The following MAOB variants were observed in gnomAD, a reference collection of about 807,000 sequenced individuals.
The protein encoded by MAOB is amine oxidase [flavin-containing] B.
Under a neutral mutation model 41.9 loss-of-function variants are expected in MAOB, and 15 were observed. The ratio of observed to expected loss-of-function variants is 0.36; its 90% confidence interval spans 0.24 to 0.55. The LOEUF (loss-of-function observed/expected upper bound fraction) is 0.55, where lower values mean the gene tolerates loss of function less well. Ranked by LOEUF, MAOB falls within the 20% of genes least tolerant of loss-of-function variation. The pLI, the probability that MAOB is intolerant of heterozygous loss-of-function variation, is 0.86. For missense variants in MAOB, 345 were observed against 398.7 expected (o/e 0.87, Z 1.15); for synonymous variants, 167 against 144.2 (o/e 1.16, Z -1.13).
intron 3 of MAOB, among the ~76,000 whole-genome samples, chrX:43,824,015 G>A (rs778207617): frequency 3.3e-4 from 37 of 112,446 alleles, no homozygotes; most frequent in Non-Finnish European, 5.3e-4. Flanking sequence ...AGCAATGACC[G>A]TCATAATGAC....
intron 3 of MAOB, among the ~76,000 whole-genome samples, chrX:43,816,782 C>T (rs1033203412): frequency 8.9e-6 from 1 of 111,830 alleles, no homozygotes; most frequent in African/African-American, 3.3e-5. Flanking sequence ...AATCAAGTTC[C>T]TTTTTGGATT....
chrX:43,865,976 T>C (rs2035362735), intron 1 of MAOB, among the ~76,000 whole-genome samples: 1 of 110,162 alleles, frequency 9.1e-6, no homozygotes, highest in Admixed American at 9.7e-5. Context: ...AGGCCAGAGG[T>C]TGCAGATTAT....
At chrX:43,783,620 C>A (rs2034363921) in intron 8 of MAOB, among the ~76,000 whole-genome samples, 1 of 112,094 alleles carries the variant, frequency 8.9e-6, no homozygotes, top group Non-Finnish European at 1.9e-5. Flanking sequence ...AAAAAGCTAA[C>A]AATCATCTGA....
chrX:43,777,526 G>A (rs986142702), intron 11 of MAOB, among the ~76,000 whole-genome samples: 1 of 111,823 alleles, frequency 8.9e-6, no homozygotes, highest in Non-Finnish European at 1.9e-5. Flanking sequence ...CAATGGTGGG[G>A]CGAGGAGGGA....
chrX:43,873,859 T>C (rs1034191658), intron 1 of MAOB, among the ~76,000 whole-genome samples: 2 of 111,192 alleles, frequency 1.8e-5, no homozygotes, highest in Non-Finnish European at 3.8e-5. Flanking sequence ...GTATTTTTAG[T>C]AGAGACAGGG....
chrX:43,876,028 G>A (rs1435363365), intron 1 of MAOB, among the ~76,000 whole-genome samples: 2 of 111,174 alleles, frequency 1.8e-5, no homozygotes, highest in South Asian at 3.9e-4. Flanking sequence ...GCACAATCTC[G>A]GCTCACTGTA....
At chrX:43,806,541 G>A (rs1195270679) in intron 3 of MAOB, among the ~76,000 whole-genome samples, 1 of 110,887 alleles carries the variant, frequency 9.0e-6, no homozygotes, top group Non-Finnish European at 1.9e-5. Context: ...TGTTAACCTT[G>A]ATTCCTTGCT....
intron 3 of MAOB, among the ~76,000 whole-genome samples, chrX:43,831,138 A>C (rs765561455): frequency 3.6e-5 from 4 of 110,189 alleles, no homozygotes; most frequent in Non-Finnish European, 7.6e-5. Context: ...GTCTGAACTC[A>C]AAGGATCTAA....
chrX:43,786,302 C>T, intron 8 of MAOB, among the ~76,000 whole-genome samples: 1 of 111,764 alleles, frequency 8.9e-6, no homozygotes, highest in South Asian at 3.8e-4. Context: ...GTATAGAAAA[C>T]CCAACAAGAA....
chrX:43,817,346 C>T (rs1238051247), intron 3 of MAOB, among the ~76,000 whole-genome samples: 1 of 110,691 alleles, frequency 9.0e-6, no homozygotes, highest in Non-Finnish European at 1.9e-5. Context: ...TCTCCTATCC[C>T]ATACATAATC....
intron 3 of MAOB, among the ~76,000 whole-genome samples, chrX:43,809,766 A>G: frequency 8.9e-6 from 1 of 112,196 alleles, no homozygotes; most frequent in Non-Finnish European, 1.9e-5. Flanking sequence ...ACATTAGAAT[A>G]AGTCCTTGTC....
chrX:43,783,922 T>C (rs139599135), intron 8 of MAOB, among the ~76,000 whole-genome samples: 310 of 112,452 alleles, frequency 2.8e-3, no homozygotes, highest in Middle Eastern at 4.6e-3. Context: ...TGTAATATTC[T>C]AAATCCCTTC....
At chrX:43,773,777 G>A (rs892798934) in intron 12 of MAOB, among the ~76,000 whole-genome samples, 5 of 111,811 alleles carry the variant, frequency 4.5e-5, no homozygotes, top group African/African-American at 1.3e-4. Flanking sequence ...TGCCATCGAC[G>A]TAAGATGTGA....
At chrX:43,817,852 A>G (rs928750725) in intron 3 of MAOB, among the ~76,000 whole-genome samples, 1 of 112,114 alleles carries the variant, frequency 8.9e-6, no homozygotes, top group South Asian at 3.7e-4. Context: ...AACCTTTATT[A>G]TTCTTCATAG....
At chrX:43,804,500 A>G (rs981015269) in intron 3 of MAOB, among the ~76,000 whole-genome samples, 2 of 111,382 alleles carry the variant, frequency 1.8e-5, no homozygotes, top group Non-Finnish European at 3.8e-5. Context: ...ATATATAGAT[A>G]CATAGATACA....
chrX:43,860,718 C>T (rs1242435538), intron 1 of MAOB, among the ~76,000 whole-genome samples: 2 of 111,472 alleles, frequency 1.8e-5, no homozygotes, highest in Non-Finnish European at 3.8e-5. Flanking sequence ...CCATTGCAAA[C>T]AGGAGTCCCA....
At chrX:43,840,541 G>A (rs1200151682) in intron 2 of MAOB, among the ~76,000 whole-genome samples, 1 of 111,591 alleles carries the variant, frequency 9.0e-6, no homozygotes, top group African/African-American at 3.3e-5. Flanking sequence ...AGTTCCCAGT[G>A]AGATCAACAC....
intron 1 of MAOB, among the ~76,000 whole-genome samples, chrX:43,870,339 G>C (rs945332617): frequency 8.9e-6 from 1 of 111,897 alleles, no homozygotes; most frequent in Non-Finnish European, 1.9e-5. Context: ...ACACAGAGTG[G>C]TAAGAGATTG....
chrX:43,815,964 C>T (rs932282594), intron 3 of MAOB, among the ~76,000 whole-genome samples: 1 of 111,904 alleles, frequency 8.9e-6, no homozygotes, highest in Non-Finnish European at 1.9e-5. Context: ...CACCATACAG[C>T]TATCCATCAG....
Sources: allele counts gnomAD v4.1 joint callset (sites outside exome capture counted in the v4.1 genomes callset), GRCh38; gene constraint gnomAD v4.1.1; transcripts MANE v1.5; gene names NCBI Gene and HGNC (gene_info 2026-07-23, HGNC 2026-07-21).